Variants in DRD2 observed in about 807,000 individuals in gnomAD.
The protein encoded by DRD2 is dopamine receptor D2, also known as D(2) dopamine receptor.
In DRD2, 8 loss-of-function variants were observed where a neutral mutation model predicts 38.0. That is an observed-to-expected ratio of 0.21 (90% CI 0.12 to 0.38). The LOEUF is 0.38. Among genes scored for constraint, DRD2 ranks in the 10% least tolerant of loss-of-function variants. The pLI, the probability that DRD2 is intolerant of heterozygous loss-of-function variation, is 1.00. For missense variants in DRD2, 403 were observed against 607.7 expected (o/e 0.66, Z 3.54); for synonymous variants, 230 against 238.6 (o/e 0.96, Z 0.33).
At position 113,434,924 on chromosome 11, in the gene DRD2, C is replaced by G. The variant is rs369139720; in HGVS notation, c.-31-10242G>C. Among the ~76,000 whole-genome samples the G allele has an allele frequency of 3.3e-5, 5 of 152,284 alleles. No homozygotes were observed. The East Asian group carries it at 9.7e-4, about 29-fold the overall frequency. ...GGAGCACGCACAGTTCCTTGCCCAGCTATCGAAAGGGCCCCTGTGTGAGAC... is the reference window on the plus strand; with the variant it reads ...GGAGCACGCACAGTTCCTTGCCCAGGTATCGAAAGGGCCCCTGTGTGAGAC... On this transcript the variant is annotated intron_variant, in intron 1 of 7. Transcript: ENST00000362072.
intron 1 of DRD2, among the ~76,000 whole-genome samples, chr11:113,439,838 CAAAAAAAAAAAAAAAAAAAAAA>C (rs67577307): frequency 0.012 from 197 of 16,260 alleles, 8 homozygotes; most frequent in African/African-American, 0.047. Flanking sequence ...GGCTCTGTCT[CAAAAAAAAAAAAAAAAAAAAAA>C]AAAAAAAAAA....
At chr11:113,436,543 C>T (rs762399969) in intron 1 of DRD2, among the ~76,000 whole-genome samples, 3 of 151,844 alleles carry the variant, frequency 2.0e-5, no homozygotes, top group African/African-American at 2.4e-5. Flanking sequence ...TTTTAGAGTC[C>T]TTATCCTTTA....
intron 1 of DRD2, among the ~76,000 whole-genome samples, chr11:113,463,716 G>T (rs1485646925): frequency 6.6e-6 from 1 of 152,196 alleles, no homozygotes; most frequent in East Asian, 1.9e-4. Context: ...GAGCTAGAGA[G>T]GTAAGGGCTC....
At chr11:113,465,013 C>T (rs1417011181) in intron 1 of DRD2, among the ~76,000 whole-genome samples, 1 of 152,182 alleles carries the variant, frequency 6.6e-6, no homozygotes, top group East Asian at 1.9e-4. Context: ...GATCAGGCTG[C>T]CAGCATTGCT....
At chr11:113,436,594 G>C (rs911188151) in intron 1 of DRD2, among the ~76,000 whole-genome samples, 1 of 152,122 alleles carries the variant, frequency 6.6e-6, no homozygotes, top group Non-Finnish European at 1.5e-5. Flanking sequence ...ATTATATGCT[G>C]TCTGGGAATT....
At chr11:113,434,214 T>C (rs191098373) in intron 1 of DRD2, among the ~76,000 whole-genome samples, 2 of 152,372 alleles carry the variant, frequency 1.3e-5, no homozygotes, top group East Asian at 3.9e-4. Flanking sequence ...ATTTGTTTGA[T>C]GTCTGTTCTT....
At chr11:113,444,014 T>A (rs922621575) in intron 1 of DRD2, among the ~76,000 whole-genome samples, 1 of 152,154 alleles carries the variant, frequency 6.6e-6, no homozygotes. Flanking sequence ...AGACTCCAGT[T>A]GATGAATTTG....
chr11:113,444,239 G>A (rs1951120130), intron 1 of DRD2, among the ~76,000 whole-genome samples: 1 of 152,160 alleles, frequency 6.6e-6, no homozygotes. Context: ...GTTTCACCAT[G>A]TTGACCAGGC....
chr11:113,421,009 C>T (rs533723090), intron 2 of DRD2, among the ~76,000 whole-genome samples: 2 of 152,248 alleles, frequency 1.3e-5, no homozygotes, highest in Admixed American at 1.3e-4. Flanking sequence ...TAAGGACTTA[C>T]CATGTGTCAG....
intron 1 of DRD2, among the ~76,000 whole-genome samples, chr11:113,425,636 G>A (rs909933237): frequency 6.6e-6 from 1 of 152,018 alleles, no homozygotes; most frequent in African/African-American, 2.4e-5. Flanking sequence ...ACACCAACTG[G>A]GAGGCTGTAG....
Position 113,410,541 on chromosome 11 carries a change from C to G in DRD2, c.*186G>C, listed in dbSNP as rs1379570657. ...TGGTACCATGCCCAGCTCACTAGCA[C>G]TGCCCTGGCAGAGTGAGGGTGTGCG... On this transcript the variant is annotated 3_prime_UTR_variant, in exon 8 of 8. Coordinates refer to ENST00000362072, the MANE Select transcript of DRD2 (RefSeq NM_000795.4). The G allele has an allele frequency of 5.0e-6, 4 of 792,220 alleles. No homozygotes were observed. Among genetic ancestry groups the G allele is most frequent in the African/African-American group, 1.7e-5 (1 of 59,374 alleles). 49.1% of individuals were successfully genotyped at this position (792,220 alleles called of 1,614,324 possible).
In DRD2 at chr11:113,423,446, T is replaced by C. The variant is rs138945714; in HGVS notation, c.285+921A>G. ...ATATGCCACCACACCTGGCTAATTGTTGCATTTTTAGTAGAGATGGGGTTT... is the reference window on the plus strand; with the variant it reads ...ATATGCCACCACACCTGGCTAATTGCTGCATTTTTAGTAGAGATGGGGTTT... On this transcript the variant is annotated intron_variant, in intron 2 of 7. Coordinates refer to ENST00000362072, the MANE Select transcript of DRD2 (RefSeq NM_000795.4). 9.0e-3 allele frequency among the ~76,000 whole-genome samples: 1,363 copies of C among 152,248 alleles called. 20 individuals are homozygous for C. Among genetic ancestry groups the C allele is most frequent in the African/African-American group, 0.031 (1,294 of 41,536 alleles).
At chr11:113,428,343 G>A (rs780011193) in intron 1 of DRD2, among the ~76,000 whole-genome samples, 47 of 152,208 alleles carry the variant, frequency 3.1e-4, no homozygotes, top group Non-Finnish European at 5.0e-4. Context: ...GGGCAACAGG[G>A]TAGGGCCTTT....
At chr11:113,427,109 G>GT (rs1057135253) in intron 1 of DRD2, among the ~76,000 whole-genome samples, 1 of 152,204 alleles carries the variant, frequency 6.6e-6, no homozygotes, top group Admixed American at 6.5e-5. Flanking sequence ...AGTTTGCTAA[G>GT]TTTTTTGGAT....
intron 1 of DRD2, 53 bp from the exon 2 acceptor site, chr11:113,424,735 T>A: frequency 6.4e-7 from 1 of 1,564,200 alleles, no homozygotes; most frequent in Non-Finnish European, 8.8e-7. Flanking sequence ...CTTGCAGAGG[T>A]CTCCAGGAAG....
intron 1 of DRD2, among the ~76,000 whole-genome samples, chr11:113,450,985 G>A (rs1304520755): frequency 1.3e-5 from 2 of 152,182 alleles, no homozygotes; most frequent in Non-Finnish European, 2.9e-5. Context: ...GTAGCCCCCA[G>A]TCAAAGGTGG....
At chr11:113,414,131 T>A (rs1401065097) in intron 6 of DRD2, 1 of 567,418 alleles carries the variant, frequency 1.8e-6, no homozygotes, top group Non-Finnish European at 3.2e-6. Context: ...GCCATTATTA[T>A]CATTTTTATT....
chr11:113,412,297 T>G (rs1430241337), intron 7 of DRD2, among the ~76,000 whole-genome samples: 1 of 152,128 alleles, frequency 6.6e-6, no homozygotes, highest in Non-Finnish European at 1.5e-5. Flanking sequence ...ATTTCCAGAC[T>G]CTGGAGTCAG....
intron 1 of DRD2, among the ~76,000 whole-genome samples, chr11:113,432,282 C>A (rs988076758): frequency 2.6e-5 from 2 of 76,740 alleles, no homozygotes; most frequent in Non-Finnish European, 5.6e-5. Flanking sequence ...TTCTCTGATC[C>A]TCTCTTTCTC....
Sources: allele counts gnomAD v4.1 joint callset (sites outside exome capture counted in the v4.1 genomes callset), GRCh38; gene constraint gnomAD v4.1.1; transcripts MANE v1.5; gene names NCBI Gene and HGNC (gene_info 2026-07-23, HGNC 2026-07-21).